The following TENM2 variants were observed in gnomAD, a reference collection of about 807,000 sequenced individuals.
TENM2 encodes the protein teneurin transmembrane protein 2, also known as teneurin-2.
A neutral mutation model predicts 245.2 loss-of-function variants in TENM2; 52 were observed. The observed-to-expected ratio is 0.21, with a 90% CI of 0.17 to 0.27. TENM2 has a LOEUF of 0.27. Among genes scored for constraint, TENM2 ranks in the 10% least tolerant of loss-of-function variants. The probability of loss-of-function intolerance (pLI) is 1.00; values close to 1 mark genes in which losing one functional copy is unlikely to be tolerated. For synonymous variants in TENM2, 1,363 were observed against 1,438.9 expected (o/e 0.95, Z 1.19); for missense variants, 3,046 against 3,666.8 (o/e 0.83, Z 4.37).
chr5:167,602,179 T>G (rs1183045553), intron 2 of TENM2, among the ~76,000 whole-genome samples: 1 of 152,344 alleles, frequency 6.6e-6, no homozygotes, highest in African/African-American at 2.4e-5. Flanking sequence ...TTTGTAGTAC[T>G]GAGAATAATA....
At chr5:167,496,687 CA>C (rs1768842025) in intron 2 of TENM2, among the ~76,000 whole-genome samples, 1 of 152,094 alleles carries the variant, frequency 6.6e-6, no homozygotes, top group Non-Finnish European at 1.5e-5. Flanking sequence ...TCTGCACTGT[CA>C]TGGTTGATGA....
Position 167,640,619 on chromosome 5 carries a change from C to CAAA in TENM2, c.503-235352_503-235350dup, listed in dbSNP as rs777939339. On this transcript the variant is annotated intron_variant, in intron 2 of 28. Coordinates refer to ENST00000518659, the Ensembl canonical transcript of TENM2. ...GGTAAACGAGAGCGAAACTCCATCT[C>CAAA]AAAAAAAAAAAAAAAAATTATTTGG... is the stretch of plus-strand genomic sequence containing the variant. Among the ~76,000 whole-genome samples the CAAA allele has an allele frequency of 1.0e-3, 78 of 76,252 alleles. 1 individual carries two copies. The highest frequency in any genetic ancestry group is 7.5e-3 in the East Asian group (27 of 3,598). The allele number at this position is 76,252 out of a possible 152,430, so 50.0% of individuals were successfully genotyped here.
At chr5:167,188,842 T>C in the TENM2 span, among the ~76,000 whole-genome samples, 2 of 152,142 alleles carry the variant, frequency 1.3e-5, no homozygotes, top group Non-Finnish European at 2.9e-5. Context: ...AATAAGATGA[T>C]AAAAAATTAT....
At chr5:167,508,562 T>C (rs897460789) in intron 2 of TENM2, among the ~76,000 whole-genome samples, 1 of 152,210 alleles carries the variant, frequency 6.6e-6, no homozygotes, top group South Asian at 2.1e-4. Flanking sequence ...CTTTTCTATG[T>C]ATGTTATCAT....
intron 2 of TENM2, among the ~76,000 whole-genome samples, chr5:167,787,626 CCCTGTCACTGAGT>C (rs773277261): frequency 6.6e-6 from 1 of 152,184 alleles, no homozygotes; most frequent in Non-Finnish European, 1.5e-5. Context: ...CCAACAAACA[CCCTGTCACTGAGT>C]CTTATTAGAT....
chr5:167,636,560 A>G (rs1377821750), intron 2 of TENM2, among the ~76,000 whole-genome samples: 2 of 152,212 alleles, frequency 1.3e-5, no homozygotes, highest in African/African-American at 4.8e-5. Context: ...CCATGGAGGA[A>G]AGGTAAAAGA....
chr5:167,009,776 A>G, the TENM2 span, among the ~76,000 whole-genome samples: 1 of 152,144 alleles, frequency 6.6e-6, no homozygotes, highest in Non-Finnish European at 1.5e-5. Flanking sequence ...GTTCCCTGCA[A>G]TTGCACTTCT....
chr5:167,085,140 A>G, the TENM2 span, among the ~76,000 whole-genome samples: 1 of 152,142 alleles, frequency 6.6e-6, no homozygotes, highest in Admixed American at 6.6e-5. Context: ...CTCAACATAA[A>G]TTTGAATATG....
intron 23 of TENM2, among the ~76,000 whole-genome samples, chr5:168,220,722 G>C (rs1339995107): frequency 1.3e-5 from 2 of 152,050 alleles, no homozygotes; most frequent in Non-Finnish European, 2.9e-5. Flanking sequence ...CCTCCTGTCA[G>C]GGCAGTGTGG....
the TENM2 span, among the ~76,000 whole-genome samples, chr5:167,276,849 CAGTT>C: frequency 2.0e-5 from 3 of 151,938 alleles, no homozygotes; most frequent in African/African-American, 7.3e-5. Flanking sequence ...TTTTGATCCA[CAGTT>C]GGTGGAATAT....
At chr5:167,065,019 C>A in the TENM2 span, among the ~76,000 whole-genome samples, 1 of 151,938 alleles carries the variant, frequency 6.6e-6, no homozygotes, top group African/African-American at 2.4e-5. Flanking sequence ...AGAGAATTTG[C>A]GTTTTAAAGG....
At chr5:167,767,969 G>C (rs1378412095) in intron 2 of TENM2, among the ~76,000 whole-genome samples, 1 of 152,180 alleles carries the variant, frequency 6.6e-6, no homozygotes, top group African/African-American at 2.4e-5. Context: ...ATATTTGCCT[G>C]AACTGTCATA....
intron 13 of TENM2, among the ~76,000 whole-genome samples, chr5:168,163,807 C>G (rs1173015101): frequency 6.6e-6 from 1 of 152,208 alleles, no homozygotes; most frequent in Admixed American, 6.5e-5. Flanking sequence ...TCTGAAGACA[C>G]AAATGATTGA....
At chr5:167,180,510 C>T in the TENM2 span, among the ~76,000 whole-genome samples, 1 of 152,116 alleles carries the variant, frequency 6.6e-6, no homozygotes, top group South Asian at 2.1e-4. Context: ...TGTCAGAAGG[C>T]GGGAGTTGCC....
In TENM2 at chr5:168,143,245, G is replaced by T. The variant is rs147617852; in HGVS notation, c.2422+16279G>T. 4.5e-3 allele frequency among the ~76,000 whole-genome samples: 683 copies of T among 151,510 alleles called. 2 individuals are homozygous for T. Among genetic ancestry groups the T allele is most frequent in the African/African-American group, 0.016 (661 of 41,306 alleles). On this transcript the variant is annotated intron_variant, in intron 12 of 28. Coordinates refer to ENST00000518659, the Ensembl canonical transcript of TENM2. Reference sequence around the variant, plus strand: ...CAACACAGTGAAAAATTGTTCTAGGGGTAGATGAAAGTCTTACTCTTTTTT... The same window carrying T: ...CAACACAGTGAAAAATTGTTCTAGGTGTAGATGAAAGTCTTACTCTTTTTT...
intron 2 of TENM2, among the ~76,000 whole-genome samples, chr5:167,571,688 T>C (rs1774273562): frequency 6.6e-6 from 1 of 152,234 alleles, no homozygotes. Flanking sequence ...TTATCTCTCA[T>C]TGACAATGTT....
At chr5:168,059,095 G>C (rs181545682) in intron 6 of TENM2, among the ~76,000 whole-genome samples, 1 of 152,180 alleles carries the variant, frequency 6.6e-6, no homozygotes, top group African/African-American at 2.4e-5. Context: ...AAAACCCTAA[G>C]GGGCACTGTG....
intron 27 of TENM2, among the ~76,000 whole-genome samples, chr5:168,253,676 C>T (rs6895245): frequency 0.49 from 73,656 of 151,364 alleles, 19,900 homozygotes; most frequent in South Asian, 0.6. Flanking sequence ...TCGCCCGCCT[C>T]GGCCTCCCAA....
At chr5:167,239,207 T>C in the TENM2 span, among the ~76,000 whole-genome samples, 5 of 152,238 alleles carry the variant, frequency 3.3e-5, no homozygotes, top group Non-Finnish European at 7.3e-5. Flanking sequence ...TCATGGCTAA[T>C]AGACACTTTT....
Sources: allele counts gnomAD v4.1 joint callset (sites outside exome capture counted in the v4.1 genomes callset), GRCh38; gene constraint gnomAD v4.1.1; transcripts MANE v1.5; gene names NCBI Gene and HGNC (gene_info 2026-07-23, HGNC 2026-07-21).